The following PALMD variants were observed in gnomAD, a reference collection of about 807,000 sequenced individuals.
The protein encoded by PALMD is palmdelphin, also known as paralemmin-like protein.
Under a neutral mutation model 56.2 loss-of-function variants are expected in PALMD, and 42 were observed. The observed-to-expected ratio is 0.75, with a 90% CI of 0.58 to 0.97. PALMD has a LOEUF of 0.97. Ranked by LOEUF, PALMD falls within the 50% of genes least tolerant of loss-of-function variation. The probability of loss-of-function intolerance (pLI) is 0.00; values close to 1 mark genes in which losing one functional copy is unlikely to be tolerated. For missense variants in PALMD, 660 were observed against 643.8 expected (o/e 1.03, Z -0.27); for synonymous variants, 242 against 222.9 (o/e 1.09, Z -0.76).
chr1:99,687,491 C>G (rs769418942), intron 6 of PALMD, among the ~76,000 whole-genome samples: 13 of 152,118 alleles, frequency 8.5e-5, no homozygotes, highest in Non-Finnish European at 1.0e-4. Flanking sequence ...CTGACATATT[C>G]CATCCAATAG....
intron 1 of PALMD, among the ~76,000 whole-genome samples, chr1:99,647,350 C>T (rs927722708): frequency 1.3e-5 from 2 of 152,186 alleles, no homozygotes; most frequent in African/African-American, 4.8e-5. Flanking sequence ...TTAAAATTTT[C>T]ATTGCATAAC....
chr1:99,664,340 T>G (rs935666357), intron 2 of PALMD, among the ~76,000 whole-genome samples: 1 of 152,312 alleles, frequency 6.6e-6, no homozygotes, highest in Middle Eastern at 3.4e-3. Context: ...TCAAGCTGAG[T>G]CTTAACTGGT....
intron 1 of PALMD, among the ~76,000 whole-genome samples, chr1:99,648,888 CAA>C (rs34722891): frequency 1.5e-4 from 19 of 126,906 alleles, no homozygotes; most frequent in Non-Finnish European, 2.3e-4. Context: ...TTCTTTTTCT[CAA>C]AAAAAAAAAA....
intron 3 of PALMD, among the ~76,000 whole-genome samples, chr1:99,673,347 G>A (rs1653126123): frequency 6.6e-6 from 1 of 151,936 alleles, no homozygotes; most frequent in African/African-American, 2.4e-5. Flanking sequence ...TGAAACTAAT[G>A]TTTCCTCAAA....
chr1:99,651,356 A>G (rs927272279), intron 1 of PALMD, among the ~76,000 whole-genome samples: 1 of 152,246 alleles, frequency 6.6e-6, no homozygotes, highest in Non-Finnish European at 1.5e-5. Flanking sequence ...CCACTGTGCA[A>G]CAAAATGATA....
intron 1 of PALMD, among the ~76,000 whole-genome samples, chr1:99,652,794 T>C (rs1236054478): frequency 6.6e-6 from 1 of 152,106 alleles, no homozygotes; most frequent in Non-Finnish European, 1.5e-5. Context: ...CAGTTTGACG[T>C]GGAGCCAAGA....
At chr1:99,679,451 A>G (rs1653290193) in intron 3 of PALMD, among the ~76,000 whole-genome samples, 1 of 152,196 alleles carries the variant, frequency 6.6e-6, no homozygotes, top group Non-Finnish European at 1.5e-5. Context: ...CAAGCAGCCA[A>G]AAGGAAAAAA....
intron 3 of PALMD, chr1:99,669,625 A>G (rs1297600039): frequency 6.6e-6 from 1 of 152,260 alleles, no homozygotes; most frequent in African/African-American, 2.4e-5. Context: ...GCATCTGATG[A>G]TAATTGAAGT....
intron 3 of PALMD, among the ~76,000 whole-genome samples, chr1:99,678,966 TAA>T (rs34330678): frequency 1.4e-4 from 20 of 140,544 alleles, no homozygotes; most frequent in East Asian, 4.2e-4. Flanking sequence ...CCTTGACTCT[TAA>T]AAAAAAAAAA....
At chr1:99,648,924 G>A (rs1324612229) in intron 1 of PALMD, among the ~76,000 whole-genome samples, 1 of 148,510 alleles carries the variant, frequency 6.7e-6, no homozygotes, top group Non-Finnish European at 1.5e-5. Flanking sequence ...ACATTAAGTA[G>A]TTGAAATGTG....
intron 6 of PALMD, among the ~76,000 whole-genome samples, 180 bp from the exon 7 acceptor site, chr1:99,688,595 G>A (rs115851674): frequency 0.014 from 2,120 of 152,058 alleles, 14 homozygotes; most frequent in Non-Finnish European, 0.02. Flanking sequence ...ATAAAAACCC[G>A]TGTTATTCCA....
At chr1:99,646,954 G>A (rs1557665214) in intron 1 of PALMD, among the ~76,000 whole-genome samples, 1 of 152,162 alleles carries the variant, frequency 6.6e-6, no homozygotes, top group African/African-American at 2.4e-5. Flanking sequence ...TTCCAGCAGA[G>A]TCACAAACTG....
At chr1:99,675,910 T>G (rs1653202053) in intron 3 of PALMD, among the ~76,000 whole-genome samples, 1 of 152,184 alleles carries the variant, frequency 6.6e-6, no homozygotes, top group African/African-American at 2.4e-5. Flanking sequence ...ATAAGATAAT[T>G]ATTAATATTT....
intron 2 of PALMD, among the ~76,000 whole-genome samples, chr1:99,663,663 A>G (rs1361654092): frequency 6.6e-6 from 1 of 152,098 alleles, no homozygotes; most frequent in Non-Finnish European, 1.5e-5. Flanking sequence ...CCTCTGAGTA[A>G]AATGATAGCT....
At chr1:99,661,144 T>C (rs1272677927) in intron 1 of PALMD, among the ~76,000 whole-genome samples, 1 of 152,234 alleles carries the variant, frequency 6.6e-6, no homozygotes, top group Non-Finnish European at 1.5e-5. Flanking sequence ...CTTTACAGCT[T>C]ACTTCTTTTG....
In PALMD at chr1:99,646,382, T is replaced by C. The variant is rs1032371128; in HGVS notation, c.45+20T>C. On this transcript the variant is annotated intron_variant, in intron 1 of 7. Transcript: ENST00000263174. ...ATCACAGTAAGTCTGCATACAGTTA[T>C]AACTCATTAACGTTGTTACTTAGAG... The C allele has an allele frequency of 3.1e-6, 5 of 1,592,616 alleles. No homozygotes were observed. In the African/African-American group the frequency reaches 6.7e-5, roughly 21 times the overall value.
Position 99,689,427 on chromosome 1 carries a change from G to A in PALMD, c.1167G>A (p.Gln389=). 6.2e-7 allele frequency: 1 copy of A among 1,613,764 alleles called. No individual in the cohort carries two copies. Among genetic ancestry groups the A allele is most frequent in the Non-Finnish European group, 8.5e-7 (1 of 1,179,832 alleles). The change falls in exon 7 of 8, where the codon CAG becomes CAA. Residue 389 remains glutamine (Q), a synonymous_variant. Transcript: ENST00000263174. Reference sequence around the variant, plus strand: ...ACCAGAATTCTTCACCCACTTGTCAGGAGGACGAGGAAGATGTCAGATATA... The same window carrying A: ...ACCAGAATTCTTCACCCACTTGTCAAGAGGACGAGGAAGATGTCAGATATA... The part of the protein sequence containing the change: ...SEHQNSSPTC[Q]EDEEDVRYNI...
In PALMD at chr1:99,694,077, A is replaced by C; in HGVS notation, c.*15A>C. On this transcript the variant is annotated 3_prime_UTR_variant, in exon 8 of 8. Transcript: ENST00000263174. ...AGGTGATCTAAGAGTTGTACCACCT[A>C]TATAAACATCCTTTGAAGAAGAAAC... 6.5e-7 allele frequency: 1 copy of C among 1,540,210 alleles called. No homozygotes were observed. The highest frequency in any genetic ancestry group is 8.9e-7 in the Non-Finnish European group (1 of 1,118,420).
At chr1:99,659,099 T>C (rs1026922213) in intron 1 of PALMD, among the ~76,000 whole-genome samples, 1 of 152,224 alleles carries the variant, frequency 6.6e-6, no homozygotes, top group Non-Finnish European at 1.5e-5. Flanking sequence ...TCTGCCTTCC[T>C]GACAGGACTA....
Sources: allele counts gnomAD v4.1 joint callset (sites outside exome capture counted in the v4.1 genomes callset), GRCh38; gene constraint gnomAD v4.1.1; transcripts MANE v1.5; gene names NCBI Gene and HGNC (gene_info 2026-07-23, HGNC 2026-07-21).